PRKAG2: variants seen among roughly 807,000 people sequenced by gnomAD.
PRKAG2 encodes protein kinase AMP-activated non-catalytic subunit gamma 2, also known as 5'-AMP-activated protein kinase subunit gamma-2.
In PRKAG2, 26 loss-of-function variants were observed where a neutral mutation model predicts 69.6. The ratio of observed to expected loss-of-function variants is 0.37; its 90% CI spans 0.27 to 0.52. The LOEUF (loss-of-function observed/expected upper bound fraction) is 0.52. Ranked by LOEUF, PRKAG2 falls within the 20% of genes least tolerant of loss-of-function variation. The pLI is 0.90. For synonymous variants in PRKAG2, 293 were observed against 285.0 expected, an observed-to-expected ratio of 1.03 and a Z score of -0.28; for missense variants, 557 against 740.0, an observed-to-expected ratio of 0.75 and a Z score of 2.87.
intron 3 of PRKAG2, among the ~76,000 whole-genome samples, chr7:151,767,771 T>C (rs1443958808): frequency 6.6e-6 from 1 of 152,244 alleles, no homozygotes; most frequent in Non-Finnish European, 1.5e-5. Flanking sequence ...ACGTGAGTCA[T>C]TACTCACTGA....
At chr7:151,715,559 T>C (rs1042257003) in intron 3 of PRKAG2, among the ~76,000 whole-genome samples, 57 of 152,114 alleles carry the variant, frequency 3.7e-4, no homozygotes, top group African/African-American at 1.4e-3. Flanking sequence ...TTTCACCATA[T>C]TGGTCAGGCT....
At position 151,583,112 on chromosome 7, in the gene PRKAG2, G is replaced by A. The variant is rs565560896; in HGVS notation, c.865-6660C>T. 1.8e-4 allele frequency among the ~76,000 whole-genome samples: 27 copies of A among 152,172 alleles called. No individual in the cohort carries two copies. Among genetic ancestry groups the A allele is most frequent in the Admixed American group, 5.2e-4 (8 of 15,278 alleles). Reference sequence around the variant, plus strand: ...CACGGCTCACTGCAGCCTCAACCTCGTAGGCTCAAGTGATCCTTATGCCTC... The same window carrying A: ...CACGGCTCACTGCAGCCTCAACCTCATAGGCTCAAGTGATCCTTATGCCTC... On this transcript the variant is annotated intron_variant, in intron 6 of 15. Coordinates refer to ENST00000287878, the MANE Select transcript of PRKAG2 (RefSeq NM_016203.4). This position sits in a 1 kb window ranked among gnomAD's most constrained non-coding sequence, Gnocchi z 4.1.
intron 1 of PRKAG2, among the ~76,000 whole-genome samples, chr7:151,792,909 C>T (rs982525424): frequency 6.6e-6 from 1 of 152,188 alleles, no homozygotes; most frequent in Non-Finnish European, 1.5e-5. Context: ...GTCCCTCAGG[C>T]CCACAAGAAC....
intron 1 of PRKAG2, among the ~76,000 whole-genome samples, chr7:151,860,213 G>A (rs1387650215): frequency 6.6e-6 from 1 of 152,224 alleles, no homozygotes; most frequent in Non-Finnish European, 1.5e-5. Flanking sequence ...CCTCCGTGGA[G>A]CCCCTCCTGC....
At chr7:151,588,500 C>A (rs1201823655) in intron 6 of PRKAG2, among the ~76,000 whole-genome samples, 1 of 151,820 alleles carries the variant, frequency 6.6e-6, no homozygotes, top group Non-Finnish European at 1.5e-5. Flanking sequence ...ATAGCTGGGA[C>A]CACAGGTACC....
At chr7:151,775,497 C>T (rs2076296056) in intron 3 of PRKAG2, among the ~76,000 whole-genome samples, 1 of 152,106 alleles carries the variant, frequency 6.6e-6, no homozygotes, top group Non-Finnish European at 1.5e-5. Flanking sequence ...CAAATCCTTC[C>T]AACACATTGT....
At chr7:151,765,026 G>A (rs536217703) in intron 3 of PRKAG2, among the ~76,000 whole-genome samples, 107 of 152,346 alleles carry the variant, frequency 7.0e-4, no homozygotes, top group African/African-American at 2.4e-3. Flanking sequence ...GGGGGCTTAA[G>A]CAATGGGATT....
At chr7:151,754,073 A>G (rs1053121408) in intron 3 of PRKAG2, among the ~76,000 whole-genome samples, 3 of 152,234 alleles carry the variant, frequency 2.0e-5, no homozygotes, top group Non-Finnish European at 2.9e-5. Context: ...AGCATGTGTT[A>G]GTGCTGCCTT....
At chr7:151,815,097 G>A (rs1433634607) in intron 1 of PRKAG2, among the ~76,000 whole-genome samples, 2 of 152,166 alleles carry the variant, frequency 1.3e-5, no homozygotes, top group African/African-American at 4.8e-5. Flanking sequence ...GGAGCACAAA[G>A]ATTGTGGGGG....
intron 3 of PRKAG2, among the ~76,000 whole-genome samples, chr7:151,681,794 G>A (rs753980890): frequency 2.6e-5 from 4 of 151,986 alleles, no homozygotes; most frequent in Non-Finnish European, 4.4e-5. Context: ...TCAAACTGGG[G>A]TATCACCGAG....
intron 4 of PRKAG2, among the ~76,000 whole-genome samples, chr7:151,641,943 T>C (rs1585436464): frequency 6.7e-6 from 1 of 150,102 alleles, no homozygotes; most frequent in South Asian, 2.1e-4. Flanking sequence ...TCTGTAATCC[T>C]AGCATGTTGG....
intron 4 of PRKAG2, among the ~76,000 whole-genome samples, chr7:151,649,825 C>A (rs1828170499): frequency 6.6e-6 from 1 of 152,170 alleles, no homozygotes; most frequent in Admixed American, 6.5e-5. Flanking sequence ...GCTTCCTGTA[C>A]AGCCTGCAGA....
At chr7:151,853,603 C>T (rs948760296) in intron 1 of PRKAG2, among the ~76,000 whole-genome samples, 2 of 151,836 alleles carry the variant, frequency 1.3e-5, no homozygotes, top group Non-Finnish European at 2.9e-5. Flanking sequence ...CTAAAAAATA[C>T]AAGAAAATTA....
intron 3 of PRKAG2, among the ~76,000 whole-genome samples, chr7:151,713,864 C>T (rs773693374): frequency 3.9e-5 from 6 of 152,200 alleles, no homozygotes; most frequent in Non-Finnish European, 8.8e-5. Flanking sequence ...GCATGAGCCA[C>T]TGCACCTGAC....
chr7:151,761,590 C>T (rs1212417722), intron 3 of PRKAG2, among the ~76,000 whole-genome samples: 2 of 152,182 alleles, frequency 1.3e-5, no homozygotes. Flanking sequence ...CCCTGCCCGC[C>T]AAACTATCCA....
chr7:151,702,186 A>G (rs1837828447), intron 3 of PRKAG2, among the ~76,000 whole-genome samples: 1 of 152,260 alleles, frequency 6.6e-6, no homozygotes, highest in South Asian at 2.1e-4. Flanking sequence ...GGTGTTCTGC[A>G]GAATGCTTTC....
intron 10 of PRKAG2, among the ~76,000 whole-genome samples, 194 bp downstream of exon 10, chr7:151,569,977 A>G (rs1807164653): frequency 6.6e-6 from 1 of 152,224 alleles, no homozygotes. Context: ...ACCATTATCC[A>G]TCCTTAGCAC....
At chr7:151,851,793 C>G (rs544623191) in intron 1 of PRKAG2, among the ~76,000 whole-genome samples, 1 of 152,116 alleles carries the variant, frequency 6.6e-6, no homozygotes, top group Non-Finnish European at 1.5e-5. Flanking sequence ...GTCCAAAATG[C>G]CTTACTCTGT....
intron 6 of PRKAG2, among the ~76,000 whole-genome samples, chr7:151,588,907 C>A (rs1812352537): frequency 6.6e-6 from 1 of 152,210 alleles, no homozygotes; most frequent in South Asian, 2.1e-4. Flanking sequence ...AATTCCTGGG[C>A]TTATCTGGAA....
Sources: allele counts gnomAD v4.1 joint callset (sites outside exome capture counted in the v4.1 genomes callset), GRCh38; gene constraint gnomAD v4.1.1; non-coding constraint Gnocchi (gnomAD v3.1); transcripts MANE v1.5; gene names NCBI Gene and HGNC (gene_info 2026-07-23, HGNC 2026-07-21).